The following RARA variants were observed in gnomAD, a reference collection of about 807,000 sequenced individuals.
RARA encodes the protein PML-DDX5-RARA fusion.
In RARA, 5 loss-of-function variants were observed where a neutral mutation model predicts 42.8. The observed-to-expected ratio is 0.12, with a 90% CI of 0.06 to 0.25. The LOEUF is 0.25. Ranked by LOEUF, RARA falls within the 10% of genes least tolerant of loss-of-function variation. The probability of loss-of-function intolerance (pLI) is 1.00; values close to 1 mark genes in which losing one functional copy is unlikely to be tolerated. For missense variants in RARA, 402 were observed against 628.7 expected (o/e 0.64, Z 3.86); for synonymous variants, 256 against 259.5 (o/e 0.99, Z 0.13).
At chr17:40,337,156 G>T (rs1333435897) in intron 2 of RARA, among the ~76,000 whole-genome samples, 3 of 152,262 alleles carry the variant, frequency 2.0e-5, no homozygotes, top group Non-Finnish European at 4.4e-5. Context: ...AGGACACAGT[G>T]CTGGGGGAGG....
intron 2 of RARA, chr17:40,342,819 C>T: frequency 6.2e-7 from 1 of 1,613,058 alleles, no homozygotes; most frequent in South Asian, 1.1e-5. Context: ...CGCCCCGGGT[C>T]CGTACTCCAC....
At chr17:40,334,443 C>G (rs879373775) in intron 2 of RARA, among the ~76,000 whole-genome samples, 1 of 152,218 alleles carries the variant, frequency 6.6e-6, no homozygotes, top group Non-Finnish European at 1.5e-5. Context: ...CAAGGTGTGG[C>G]CATGGGTCTG....
At chr17:40,348,092 T>C (rs1031005284) in intron 2 of RARA, 1 of 435,486 alleles carries the variant, frequency 2.3e-6, no homozygotes. Context: ...GTTTTGAAGG[T>C]GGGGGTCCTA....
intron 1 of RARA, 105 bp downstream of exon 1, chr17:40,309,391 C>G (rs1237335303): frequency 6.6e-6 from 1 of 152,622 alleles, no homozygotes; most frequent in Non-Finnish European, 1.5e-5. Context: ...TTCCCCATCC[C>G]TCCTCTCCCG....
Position 40,351,952 on chromosome 17 carries a change from A to G in RARA, c.512A>G (p.Lys171Arg). ...DRNKKKKEVP[K>R]PECSESYTLT... Reference sequence around the variant, plus strand: ...AACAAGAAGAAGAAGGAGGTGCCCAAGCCCGAGTGCTCTGAGAGCTACACG... The same window carrying G: ...AACAAGAAGAAGAAGGAGGTGCCCAGGCCCGAGTGCTCTGAGAGCTACACG... Residue 171 changes from lysine (K) to arginine (R), a missense_variant, in exon 5 of 9, where the codon AAG becomes AGG. By Grantham distance (26) the Lys-to-Arg change is conservative. This residue lies in a region of RARA where 130 missense variants were observed against 267.9 expected (regional missense o/e 0.49). Transcript: ENST00000254066. This position sits in a 1 kb window ranked among gnomAD's most constrained non-coding sequence, Gnocchi z 4.1. 1 of 1,612,706 alleles carries G rather than the reference A, an allele frequency of 6.2e-7. No homozygotes were observed. The highest frequency in any genetic ancestry group is 8.5e-7 in the Non-Finnish European group (1 of 1,179,506).
chr17:40,338,655 C>T (rs551460069), intron 2 of RARA, among the ~76,000 whole-genome samples: 11 of 142,220 alleles, frequency 7.7e-5, no homozygotes, highest in South Asian at 2.2e-4. Context: ...TGTAGTGAGC[C>T]GAGATCGCGC....
chr17:40,312,418 C>T (rs2143150601), intron 1 of RARA, among the ~76,000 whole-genome samples: 2 of 152,358 alleles, frequency 1.3e-5, no homozygotes, highest in African/African-American at 4.8e-5. Context: ...GGGGGTAAGG[C>T]AGGGCATGGG....
At chr17:40,349,339 G>C (rs1307690371) in intron 3 of RARA, 1 of 187,050 alleles carries the variant, frequency 5.3e-6, no homozygotes, top group Non-Finnish European at 1.1e-5. Flanking sequence ...CTGAGTGCAT[G>C]TGTGTGTTCG....
At chr17:40,312,979 A>G (rs1405819011) in intron 1 of RARA, among the ~76,000 whole-genome samples, 4 of 152,180 alleles carry the variant, frequency 2.6e-5, no homozygotes, top group South Asian at 4.1e-4. Flanking sequence ...CCATTTTCCC[A>G]TCTGCTTTTT....
chr17:40,314,196 T>TGGGGAGGGGGGGGGGGGGGGGGGG (rs2033148586), intron 1 of RARA, among the ~76,000 whole-genome samples: 1 of 22,842 alleles, frequency 4.4e-5, no homozygotes, highest in Non-Finnish European at 8.7e-5. Flanking sequence ...GGGGTGGGGG[T>TGGGGAGGGGGGGGGGGGGGGGGGG]GGGGACGAGC....
At chr17:40,347,277 C>T (rs951907684) in intron 2 of RARA, among the ~76,000 whole-genome samples, 6 of 152,134 alleles carry the variant, frequency 3.9e-5, no homozygotes, top group Admixed American at 3.3e-4. Flanking sequence ...AGAACTTGAA[C>T]GTTGGTAGGG....
chr17:40,357,215 A>T lies in RARA; in HGVS notation c.*989A>T, dbSNP rs903112457. The T allele has an allele frequency of 2.9e-5, 7 of 238,700 alleles. No homozygotes were observed. The highest frequency in any genetic ancestry group is 8.8e-5 in the African/African-American group (4 of 45,296). 14.8% of individuals were successfully genotyped at this position (238,700 alleles called of 1,614,324 possible). A position where few individuals can be genotyped will look rare whatever the true frequency, so the allele number is the denominator to read the frequency against. On this transcript the variant is annotated 3_prime_UTR_variant, in exon 9 of 9. Coordinates refer to ENST00000254066, the MANE Select transcript of RARA (RefSeq NM_000964.4). ...GCTGCCTCCCGTCAGGGCCCACATC[A>T]TCTAGGCTCCCCAGCCCCCACTGTG...
chr17:40,315,078 G>T (rs980562093), intron 1 of RARA, among the ~76,000 whole-genome samples: 12 of 143,118 alleles, frequency 8.4e-5, no homozygotes, highest in Non-Finnish European at 1.4e-4. Flanking sequence ...GAGTTGAGGA[G>T]GGAACATTGA....
At chr17:40,328,153 C>T (rs1226082497) in intron 1 of RARA, among the ~76,000 whole-genome samples, 1 of 152,138 alleles carries the variant, frequency 6.6e-6, no homozygotes, top group Non-Finnish European at 1.5e-5. Flanking sequence ...CTGGCTGGCT[C>T]AGCTGGGCCA....
In RARA at chr17:40,357,261, G is replaced by A. The variant is rs1019420409; in HGVS notation, c.*1035G>A. ...CTGTGAAGGGGCTGGCCAGGGGCCCGAGCTGCCCCCACCCCCGGCCTCAGC... is the reference window on the plus strand; with the variant it reads ...CTGTGAAGGGGCTGGCCAGGGGCCCAAGCTGCCCCCACCCCCGGCCTCAGC... On this transcript the variant is annotated 3_prime_UTR_variant, in exon 9 of 9. Coordinates refer to ENST00000254066, the MANE Select transcript of RARA (RefSeq NM_000964.4). The A allele has an allele frequency of 6.8e-5, 16 of 235,688 alleles. No homozygotes were observed. The highest frequency in any genetic ancestry group is 1.1e-4 in the Admixed American group (2 of 18,162). 14.6% of individuals were successfully genotyped at this position (235,688 alleles called of 1,614,324 possible). A position where few individuals can be genotyped will look rare whatever the true frequency, so the allele number is the denominator to read the frequency against.
chr17:40,325,022 G>A (rs143850116), intron 1 of RARA, among the ~76,000 whole-genome samples: 2,412 of 152,212 alleles, frequency 0.016, 26 homozygotes, highest in Middle Eastern at 0.027. Context: ...GGAGGCCGAG[G>A]CGGGCAGATC....
At chr17:40,348,133 G>T in intron 2 of RARA, 183 bp from the exon 3 acceptor site, 2 of 623,112 alleles carry the variant, frequency 3.2e-6, no homozygotes, top group Non-Finnish European at 5.2e-6. Flanking sequence ...GGTGCTGGAG[G>T]CTTCATTGGC....
Position 40,331,336 on chromosome 17 carries a change from G to C in RARA, c.118G>C (p.Ala40Pro), listed in dbSNP as rs576185106. 67 of 1,613,974 alleles carry C rather than the reference G, an allele frequency of 4.2e-5. No individual in the cohort carries two copies. In the Middle Eastern group the frequency reaches 5.0e-4, roughly 12 times the overall value. The change falls in exon 2 of 9, where the codon GCT becomes CCT. Residue 40 changes from alanine (A) to proline (P), a missense_variant. By Grantham distance (27) the Ala-to-Pro change is conservative (BLOSUM62 -1). Around this residue, in one of 5 missense-constraint regions of RARA, gnomAD observed 91 missense variants for 105.2 expected, o/e 0.87. Coordinates refer to ENST00000254066, the MANE Select transcript of RARA (RefSeq NM_000964.4). ...GCTGGGTGGACTCTCCCCGCCAGGC[G>C]CTCTGACCACTCTCCAGCACCAGCT... The part of the protein sequence containing the change: ...PMLGGLSPPG[A>P]LTTLQHQLPV...
At chr17:40,312,265 G>T (rs1012553264) in intron 1 of RARA, among the ~76,000 whole-genome samples, 14 of 152,220 alleles carry the variant, frequency 9.2e-5, no homozygotes, top group African/African-American at 3.1e-4. Flanking sequence ...TCCTCCTCCC[G>T]CAGGGTAGGG....
Sources: gnomAD v4.1 joint callset for allele counts (sites outside exome capture counted in the v4.1 genomes callset) on GRCh38, gnomAD v4.1.1 for gene constraint, gnomAD v4.1.1 regional missense constraint, Gnocchi (gnomAD v3.1) non-coding constraint, MANE v1.5 for transcripts, NCBI Gene and HGNC (gene_info 2026-07-23, HGNC 2026-07-21) for gene names.